Variants in LRRC4C observed in about 807,000 individuals in gnomAD.
LRRC4C encodes the protein leucine rich repeat containing 4C, also known as leucine-rich repeat-containing protein 4C.
In LRRC4C, 5 loss-of-function variants were observed where a neutral mutation model predicts 33.6. That is an observed-to-expected ratio of 0.15 (90% CI 0.08 to 0.31). The LOEUF is 0.31. LRRC4C is among the 10% of genes least tolerant of loss of function. The pLI is 1.00. For synonymous variants in LRRC4C, 329 were observed against 302.0 expected (o/e 1.09, Z -0.93); for missense variants, 560 against 796.7 (o/e 0.70, Z 3.58).
intron 4 of LRRC4C, among the ~76,000 whole-genome samples, chr11:40,271,821 G>C (rs1252376543): frequency 6.6e-6 from 1 of 152,130 alleles, no homozygotes; most frequent in Non-Finnish European, 1.5e-5. Context: ...CCTAGACCCA[G>C]GGAGACACAT....
chr11:40,124,928 C>T (rs1287434818), intron 6 of LRRC4C, among the ~76,000 whole-genome samples: 2 of 151,902 alleles, frequency 1.3e-5, no homozygotes, highest in Non-Finnish European at 1.5e-5. Flanking sequence ...TAAATATATA[C>T]ACCTACTATG....
chr11:40,966,392 G>T (rs1029922746), intron 1 of LRRC4C, among the ~76,000 whole-genome samples: 4 of 151,896 alleles, frequency 2.6e-5, no homozygotes, highest in Non-Finnish European at 4.4e-5. Flanking sequence ...AGAGGAAAAA[G>T]ATGGAGTTTT....
In LRRC4C at chr11:41,004,356, T is replaced by C. The variant is rs116655023; in HGVS notation, c.-495-70633A>G. On this transcript the variant is annotated intron_variant, in intron 1 of 6. Transcript: ENST00000528697. Reference sequence around the variant, plus strand: ...TGCTATAACAAGACCATCTGTCTTTTTTTGGTTGGTAGGAAGTACATCAAC... The same window carrying C: ...TGCTATAACAAGACCATCTGTCTTTCTTTGGTTGGTAGGAAGTACATCAAC... 7.0e-3 allele frequency among the ~76,000 whole-genome samples: 1,068 copies of C among 152,266 alleles called. 21 individuals carry two copies. Among genetic ancestry groups the C allele is most frequent in the African/African-American group, 0.025 (1,030 of 41,550 alleles).
At chr11:41,009,443 C>T (rs150892306) in intron 1 of LRRC4C, among the ~76,000 whole-genome samples, 6 of 151,828 alleles carry the variant, frequency 4.0e-5, no homozygotes, top group East Asian at 3.9e-4. Context: ...ATGTTTTGTT[C>T]GAAGAAAACA....
chr11:40,998,502 T>C (rs1854139327), intron 1 of LRRC4C, among the ~76,000 whole-genome samples: 1 of 152,126 alleles, frequency 6.6e-6, no homozygotes, highest in African/African-American at 2.4e-5. Flanking sequence ...GGTTTTATTT[T>C]GTTATTTTCT....
intron 1 of LRRC4C, among the ~76,000 whole-genome samples, chr11:41,057,301 C>A (rs1265247997): frequency 6.6e-6 from 1 of 152,204 alleles, no homozygotes; most frequent in Non-Finnish European, 1.5e-5. Context: ...CAGTCCCTTG[C>A]CGCCTAAGAC....
intron 4 of LRRC4C, among the ~76,000 whole-genome samples, chr11:40,256,311 C>T (rs1867199544): frequency 6.6e-6 from 1 of 152,150 alleles, no homozygotes; most frequent in Non-Finnish European, 1.5e-5. Flanking sequence ...ACAGGTACCT[C>T]ATCTCAGAGT....
intron 3 of LRRC4C, among the ~76,000 whole-genome samples, chr11:40,622,831 C>A (rs574267342): frequency 4.6e-5 from 7 of 151,680 alleles, no homozygotes; most frequent in Non-Finnish European, 8.8e-5. Context: ...TAGCATAGTA[C>A]ATAGCTAGTA....
intron 3 of LRRC4C, among the ~76,000 whole-genome samples, chr11:40,409,158 T>A (rs1950067013): frequency 6.6e-6 from 1 of 151,984 alleles, no homozygotes; most frequent in African/African-American, 2.4e-5. Flanking sequence ...GAAGACATTT[T>A]CTTAAATAAA....
At chr11:40,899,147 A>C (rs1956098859) in intron 2 of LRRC4C, among the ~76,000 whole-genome samples, 1 of 151,942 alleles carries the variant, frequency 6.6e-6, no homozygotes, top group African/African-American at 2.4e-5. Context: ...AACTCATTCC[A>C]AGTATTGCCA....
intron 2 of LRRC4C, among the ~76,000 whole-genome samples, chr11:40,858,107 T>C (rs1009971182): frequency 6.6e-6 from 1 of 151,932 alleles, no homozygotes; most frequent in Non-Finnish European, 1.5e-5. Flanking sequence ...ATAAATTAAA[T>C]TAAAATAAAA....
chr11:40,353,770 C>G (rs1947526946), intron 3 of LRRC4C, among the ~76,000 whole-genome samples: 1 of 152,170 alleles, frequency 6.6e-6, no homozygotes, highest in African/African-American at 2.4e-5. Context: ...CGAATTACTT[C>G]TCTCTGTTAT....
chr11:40,575,651 T>C (rs1429742072), intron 3 of LRRC4C, among the ~76,000 whole-genome samples: 2 of 152,220 alleles, frequency 1.3e-5, no homozygotes, highest in Non-Finnish European at 1.5e-5. Context: ...AGTGGGGTTC[T>C]ACTTATAAAA....
chr11:41,261,932 G>A (rs1010926668), intron 1 of LRRC4C, among the ~76,000 whole-genome samples: 1 of 152,030 alleles, frequency 6.6e-6, no homozygotes, highest in East Asian at 1.9e-4. Flanking sequence ...TGCATGTCCA[G>A]GATGGAACTA....
At chr11:40,478,192 G>A (rs1953345360) in intron 3 of LRRC4C, among the ~76,000 whole-genome samples, 1 of 152,146 alleles carries the variant, frequency 6.6e-6, no homozygotes, top group African/African-American at 2.4e-5. Flanking sequence ...GTGAGACTGA[G>A]AAAAAGTCAC....
chr11:41,029,151 G>A (rs543189396), intron 1 of LRRC4C, among the ~76,000 whole-genome samples: 4 of 151,792 alleles, frequency 2.6e-5, no homozygotes, highest in South Asian at 2.1e-4. Flanking sequence ...CAAACTAGTC[G>A]ACTACATTAC....
chr11:40,936,528 G>A (rs1957908729), intron 1 of LRRC4C, among the ~76,000 whole-genome samples: 1 of 151,576 alleles, frequency 6.6e-6, no homozygotes, highest in Non-Finnish European at 1.5e-5. Flanking sequence ...AGTAGAGACA[G>A]GGTTTCACCA....
intron 3 of LRRC4C, among the ~76,000 whole-genome samples, chr11:40,437,116 G>A (rs184276471): frequency 3.3e-5 from 5 of 152,142 alleles, no homozygotes; most frequent in Admixed American, 2.0e-4. Context: ...AAGCCAGAGC[G>A]AATCATGTTC....
intron 3 of LRRC4C, among the ~76,000 whole-genome samples, chr11:40,423,568 T>G (rs1031301146): frequency 1.3e-5 from 2 of 151,854 alleles, no homozygotes; most frequent in East Asian, 3.9e-4. Context: ...ATGGTCTCGA[T>G]CTCCTGACCT....
Sources: allele counts gnomAD v4.1 joint callset (sites outside exome capture counted in the v4.1 genomes callset), GRCh38; gene constraint gnomAD v4.1.1; transcripts MANE v1.5; gene names NCBI Gene and HGNC (gene_info 2026-07-23, HGNC 2026-07-21).